The following PAK3 variants were observed in gnomAD, a reference collection of about 807,000 sequenced individuals.
PAK3 encodes p21 (RAC1) activated kinase 3.
A neutral mutation model predicts 41.0 loss-of-function variants in PAK3; 4 were observed. The ratio of observed to expected loss-of-function variants is 0.10; its 90% CI spans 0.05 to 0.22. PAK3 has a LOEUF of 0.22. Among genes scored for constraint, PAK3 ranks in the 10% least tolerant of loss-of-function variants. The pLI is 1.00. For missense variants in PAK3, 205 were observed against 409.9 expected (o/e 0.50, Z 4.32); for synonymous variants, 146 against 139.6 (o/e 1.05, Z -0.32).
intron 11 of PAK3, among the ~76,000 whole-genome samples, chrX:111,185,204 A>G (rs2149290631): frequency 8.9e-6 from 1 of 111,842 alleles, no homozygotes; most frequent in Non-Finnish European, 1.9e-5. Flanking sequence ...TCTTTTGAGA[A>G]GTGTCTGTTC....
At chrX:111,130,422 C>A (rs778763640) in intron 5 of PAK3, among the ~76,000 whole-genome samples, 8 of 111,904 alleles carry the variant, frequency 7.1e-5, no homozygotes, top group African/African-American at 2.3e-4. Context: ...GAAGACCTAG[C>A]AGGAGAAACT....
chrX:111,071,870 A>T (rs2092748016), intron 1 of PAK3, among the ~76,000 whole-genome samples: 1 of 112,211 alleles, frequency 8.9e-6, no homozygotes, highest in Admixed American at 9.5e-5. Context: ...TTCTAAATAC[A>T]AGACTAAAAC....
At chrX:111,147,510 C>A (rs1272558784) in intron 6 of PAK3, among the ~76,000 whole-genome samples, 1 of 110,574 alleles carries the variant, frequency 9.0e-6, no homozygotes, top group African/African-American at 3.3e-5. Context: ...AGTCATACTC[C>A]CACCCACCCT....
intron 1 of PAK3, among the ~76,000 whole-genome samples, chrX:111,046,261 T>G (rs191291152): frequency 8.9e-6 from 1 of 111,852 alleles, no homozygotes; most frequent in Non-Finnish European, 1.9e-5. Context: ...GATGAGAGGC[T>G]GAATTTGTGT....
At chrX:111,157,539 C>T (rs1445415287) in intron 8 of PAK3, among the ~76,000 whole-genome samples, 2 of 111,080 alleles carry the variant, frequency 1.8e-5, no homozygotes, top group African/African-American at 6.6e-5. Context: ...ATCTGTAATC[C>T]CGGCACTTTG....
At chrX:111,087,761 AAAAAC>A (rs1223214005) in intron 1 of PAK3, among the ~76,000 whole-genome samples, 1 of 10,440 alleles carries the variant, frequency 9.6e-5, no homozygotes, top group Non-Finnish European at 7.5e-4. Context: ...GCAAAAAAAA[AAAAAC>A]AAAAAAAAAA....
At position 111,148,565 on chromosome X, in the gene PAK3, T is replaced by A. The variant is rs911318433; in HGVS notation, c.430+675T>A. On this transcript the variant is annotated intron_variant, in intron 7 of 17. Coordinates refer to ENST00000372007, the MANE Select transcript of PAK3 (RefSeq NM_002578.5). ...GTTTAATTGGACTTACGGTTCCACA[T>A]GGCTGGTGAGACCTCAGAATCATGG... Among the ~76,000 whole-genome samples the A allele has an allele frequency of 4.5e-5, 5 of 111,577 alleles. No individual in the cohort carries two copies. The Admixed American group carries it at 4.8e-4, about 11-fold the overall frequency.
intron 16 of PAK3, 82 bp downstream of exon 16, chrX:111,196,722 A>C: frequency 1.5e-6 from 1 of 674,205 alleles, no homozygotes; most frequent in Non-Finnish European, 2.4e-6. Flanking sequence ...ACCAAAAGTG[A>C]CCAGAATGGG....
chrX:111,167,035 G>T (rs1167749281), intron 10 of PAK3, among the ~76,000 whole-genome samples: 1 of 111,417 alleles, frequency 9.0e-6, no homozygotes. Context: ...GGTTGTGTGA[G>T]GACTAAATAA....
chrX:110,993,684 A>C (rs2091690499), intron 1 of PAK3, among the ~76,000 whole-genome samples: 1 of 112,188 alleles, frequency 8.9e-6, no homozygotes, highest in Non-Finnish European at 1.9e-5. Context: ...ATATGTTGTC[A>C]ATGCAAAAGA....
At chrX:111,094,271 T>C (rs1167571751), upstream of PAK3, among the ~76,000 whole-genome samples, 1 of 111,671 alleles carries the variant, frequency 9.0e-6, no homozygotes, top group African/African-American at 3.3e-5. Flanking sequence ...CAATCTTATA[T>C]AGTCTGTTTC....
At chrX:110,991,714 C>T (rs1369496668) in intron 1 of PAK3, among the ~76,000 whole-genome samples, 5 of 111,835 alleles carry the variant, frequency 4.5e-5, no homozygotes, top group African/African-American at 6.5e-5. Context: ...TAAGACACAT[C>T]TTGTTATTAT....
At chrX:111,068,605 G>A (rs1006553380) in intron 1 of PAK3, among the ~76,000 whole-genome samples, 4 of 112,703 alleles carry the variant, frequency 3.5e-5, no homozygotes, top group African/African-American at 1.3e-4. Context: ...CCCGACCCAT[G>A]GGTCTATCTT....
chrX:111,122,539 C>T (rs961357495), intron 4 of PAK3, among the ~76,000 whole-genome samples: 2 of 110,668 alleles, frequency 1.8e-5, no homozygotes, highest in Admixed American at 9.7e-5. Flanking sequence ...GATGGTTTCT[C>T]GGTTAATTAT....
At chrX:111,031,846 A>G (rs975182511) in intron 1 of PAK3, among the ~76,000 whole-genome samples, 1 of 111,878 alleles carries the variant, frequency 8.9e-6, no homozygotes, top group Non-Finnish European at 1.9e-5. Flanking sequence ...TTACCAATGT[A>G]GGCAACAAAC....
intron 1 of PAK3, among the ~76,000 whole-genome samples, chrX:110,974,653 A>C (rs1475656926): frequency 1.8e-5 from 2 of 111,775 alleles, no homozygotes; most frequent in Admixed American, 1.9e-4. Context: ...CAGAGACACA[A>C]CAAAAAAAGA....
In PAK3 at chrX:110,954,760, A is replaced by G. The variant is rs759237901; in HGVS notation, c.-28+10132A>G. Among the ~76,000 whole-genome samples the G allele has an allele frequency of 5.3e-5, 6 of 112,175 alleles. No homozygotes were observed. The East Asian group carries it at 1.7e-3, about 32-fold the overall frequency. On this transcript the variant is annotated intron_variant, in intron 1 of 14. Coordinates refer to the PAK3 transcript ENST00000425146. ...TGAATTGTTAACTGAGTAAATCTCT[A>G]AATATTATCATTGAGAGATAAATTC... is the stretch of plus-strand genomic sequence containing the variant.
Position 111,223,077 on chromosome X carries a change from A to G in PAK3, c.*2630A>G, listed in dbSNP as rs892639075. On this transcript the variant is annotated 3_prime_UTR_variant, in exon 18 of 18. Coordinates refer to ENST00000372007, the MANE Select transcript of PAK3 (RefSeq NM_002578.5). Reference sequence around the variant, plus strand: ...GCCACAGTGATGCTGAAGGATTCACATTTGGTACAATCGAGTAACTTGAAC... The same window carrying G: ...GCCACAGTGATGCTGAAGGATTCACGTTTGGTACAATCGAGTAACTTGAAC... 6.3e-5 allele frequency: 7 copies of G among 111,502 alleles called. No homozygotes were observed. The highest frequency in any genetic ancestry group is 3.8e-5 in the Non-Finnish European group (2 of 53,123). 9.2% of individuals were successfully genotyped at this position (111,502 alleles called of 1,213,427 possible). A position where few individuals can be genotyped will look rare whatever the true frequency, so the allele number is the denominator to read the frequency against.
chrX:110,979,230 T>C (rs1284838944), intron 1 of PAK3, among the ~76,000 whole-genome samples: 2 of 109,884 alleles, frequency 1.8e-5, no homozygotes, highest in Admixed American at 9.7e-5. Flanking sequence ...GAAGGATCAA[T>C]TCAGTCAATT....
Sources: gnomAD v4.1 joint callset for allele counts (sites outside exome capture counted in the v4.1 genomes callset) on GRCh38, gnomAD v4.1.1 for gene constraint, MANE v1.5 for transcripts, NCBI Gene and HGNC (gene_info 2026-07-23, HGNC 2026-07-21) for gene names.